Variants in PLEKHF2 observed in about 807,000 individuals in gnomAD.
PLEKHF2 encodes the protein pleckstrin homology domain-containing family F member 2.
Under a neutral mutation model 14.7 loss-of-function variants are expected in PLEKHF2, and 4 were observed. The ratio of observed to expected loss-of-function variants is 0.27; its 90% CI spans 0.13 to 0.62. The LOEUF is 0.62. PLEKHF2 is among the 20% of genes least tolerant of loss of function. The pLI, the probability that PLEKHF2 is intolerant of heterozygous loss-of-function variation, is 0.85. For synonymous variants in PLEKHF2, 90 were observed against 103.5 expected (o/e 0.87, Z 0.79); for missense variants, 201 against 307.7 (o/e 0.65, Z 2.60).
intron 1 of PLEKHF2, among the ~76,000 whole-genome samples, chr8:95,148,232 T>C (rs1383735792): frequency 6.6e-6 from 1 of 152,038 alleles, no homozygotes; most frequent in Admixed American, 6.5e-5. Context: ...ATTCTCACTT[T>C]TGTAAATTCG....
intron 1 of PLEKHF2, among the ~76,000 whole-genome samples, chr8:95,136,314 G>A (rs2132103561): frequency 6.8e-6 from 1 of 146,580 alleles, no homozygotes; most frequent in South Asian, 2.2e-4. Flanking sequence ...TAAATCCACA[G>A]ATTGGTTTTT....
chr8:95,136,991 T>C (rs1311838522), intron 1 of PLEKHF2, among the ~76,000 whole-genome samples: 1 of 152,206 alleles, frequency 6.6e-6, no homozygotes, highest in Non-Finnish European at 1.5e-5. Flanking sequence ...ACTAATGTGC[T>C]CAATTTAGGG....
chr8:95,134,801 A>G lies in PLEKHF2; in HGVS notation c.-15+771A>G, dbSNP rs150631301. Among the ~76,000 whole-genome samples the G allele has an allele frequency of 7.2e-5, 11 of 152,304 alleles. No individual in the cohort carries two copies. In the East Asian group the frequency reaches 2.1e-3, roughly 29 times the overall value. On this transcript the variant is annotated intron_variant, in intron 1 of 1. Coordinates refer to ENST00000315367, the MANE Select transcript of PLEKHF2 (RefSeq NM_024613.4). ...CCTCCTCGGTAATTCATAGACTCACAAAACGCGTTGTTGATAAATGCCTTC... is the reference window on the plus strand; with the variant it reads ...CCTCCTCGGTAATTCATAGACTCACGAAACGCGTTGTTGATAAATGCCTTC...
chr8:95,145,580 C>T (rs1041447945), intron 1 of PLEKHF2, among the ~76,000 whole-genome samples: 8 of 152,038 alleles, frequency 5.3e-5, no homozygotes, highest in East Asian at 1.9e-4. Context: ...CCCACCACCA[C>T]GCCTGGCTAA....
intron 1 of PLEKHF2, among the ~76,000 whole-genome samples, chr8:95,142,261 A>T (rs1810447783): frequency 6.6e-6 from 1 of 151,994 alleles, no homozygotes; most frequent in African/African-American, 2.4e-5. Context: ...TTAATTAATT[A>T]ATTTTTTTCT....
chr8:95,154,038 G>A lies in PLEKHF2; in HGVS notation c.-7G>A. ...TTTTCTTTTTTTTAAAAGGCTATTA[G>A]TGAAAGATGGTGGATCGCTTGGCAA... On this transcript the variant is annotated 5_prime_UTR_variant, in exon 2 of 2. In the 5' UTR this introduces an upstream ATG that the reference lacks. Coordinates refer to ENST00000315367, the MANE Select transcript of PLEKHF2 (RefSeq NM_024613.4). This position sits in a 1 kb window ranked among gnomAD's most constrained non-coding sequence, Gnocchi z 5.6. 1 of 1,548,400 alleles carries A rather than the reference G, an allele frequency of 6.5e-7. No homozygotes were observed. Among genetic ancestry groups the A allele is most frequent in the Non-Finnish European group, 8.7e-7 (1 of 1,148,556 alleles).
At chr8:95,148,848 TTGTA>T (rs2132109616) in intron 1 of PLEKHF2, among the ~76,000 whole-genome samples, 1 of 152,264 alleles carries the variant, frequency 6.6e-6, no homozygotes, top group South Asian at 2.1e-4. Flanking sequence ...AATGTAGAGT[TTGTA>T]TCATAAAGCA....
intron 1 of PLEKHF2, among the ~76,000 whole-genome samples, chr8:95,147,378 T>C (rs1810509636): frequency 6.6e-6 from 1 of 151,994 alleles, no homozygotes; most frequent in Admixed American, 6.5e-5. Context: ...GTTCTTAATT[T>C]TGGGTTTTGG....
intron 1 of PLEKHF2, among the ~76,000 whole-genome samples, chr8:95,147,477 CTTAT>C (rs1239193105): frequency 4.6e-5 from 7 of 151,934 alleles, no homozygotes; most frequent in Admixed American, 3.9e-4. Flanking sequence ...ACAAAATTTA[CTTAT>C]TTTAAAAAGC....
rs1053932289 is a variant in PLEKHF2 at position 95,155,920 on chromosome 8, A to C, written c.*1126A>C. On this transcript the variant is annotated 3_prime_UTR_variant, in exon 2 of 2. Transcript: ENST00000315367. ...GTGTTATATTTTATAAAGTTTTGTA[A>C]AATCCCAAACAATATTTCTATTTTT... 5.4e-5 allele frequency: 9 copies of C among 167,064 alleles called. No individual in the cohort carries two copies. Among genetic ancestry groups the C allele is most frequent in the African/African-American group, 1.9e-4 (8 of 41,466 alleles). The allele number at this position is 167,064 out of a possible 1,614,324, so 10.3% of individuals were successfully genotyped here. A position where few individuals can be genotyped will look rare whatever the true frequency, so the allele number is the denominator to read the frequency against.
intron 1 of PLEKHF2, among the ~76,000 whole-genome samples, chr8:95,146,419 A>G (rs539066677): frequency 6.6e-6 from 1 of 152,190 alleles, no homozygotes; most frequent in Non-Finnish European, 1.5e-5. Context: ...TGTAAGGATG[A>G]GATAAGAAGT....
intron 1 of PLEKHF2, among the ~76,000 whole-genome samples, chr8:95,145,414 G>A (rs1281831308): frequency 2.0e-5 from 3 of 151,684 alleles, no homozygotes; most frequent in Non-Finnish European, 4.4e-5. Context: ...AATTCCAAAC[G>A]CAATTTACTA....
At chr8:95,139,132 TA>T (rs1344142805) in intron 1 of PLEKHF2, among the ~76,000 whole-genome samples, 1 of 152,254 alleles carries the variant, frequency 6.6e-6, no homozygotes, top group African/African-American at 2.4e-5. Flanking sequence ...TTCATTTTTT[TA>T]AAATTGACAT....
chr8:95,140,884 G>A (rs1200419557), intron 1 of PLEKHF2, among the ~76,000 whole-genome samples: 2 of 152,052 alleles, frequency 1.3e-5, no homozygotes, highest in African/African-American at 4.8e-5. Flanking sequence ...TAAGTTAATT[G>A]TATACCTCAG....
Position 95,154,721 on chromosome 8 carries a change from C to CT in PLEKHF2, c.679dup (p.Tyr227LeufsTer11). ...ACATGCCAGCCTGCTAGATCAGACTCTTACAGCCAGTCATTGAAGTCTCCT... is the reference window on the plus strand; with the variant it reads ...ACATGCCAGCCTGCTAGATCAGACTCTTTACAGCCAGTCATTGAAGTCTCCT... On this transcript the variant is annotated frameshift_variant, in exon 2 of 2. Transcript: ENST00000315367. LOFTEE classifies it high-confidence loss of function. The surrounding 1 kb of genome is among the most constrained non-coding windows in gnomAD (Gnocchi z 5.6). 6.2e-7 allele frequency: 1 copy of CT among 1,614,128 alleles called. No homozygotes were observed. Among genetic ancestry groups the CT allele is most frequent in the Non-Finnish European group, 8.5e-7 (1 of 1,179,992 alleles).
At chr8:95,136,500 A>G (rs942248112) in intron 1 of PLEKHF2, among the ~76,000 whole-genome samples, 2 of 152,324 alleles carry the variant, frequency 1.3e-5, no homozygotes, top group Non-Finnish European at 1.5e-5. Context: ...TTACTGATGT[A>G]TGAGAGAGAA....
chr8:95,136,216 T>G (rs1810374307), intron 1 of PLEKHF2, among the ~76,000 whole-genome samples: 1 of 152,206 alleles, frequency 6.6e-6, no homozygotes, highest in Non-Finnish European at 1.5e-5. Flanking sequence ...ATATGCTTCA[T>G]GAATTTCTTT....
chr8:95,147,728 A>G (rs1193687181), intron 1 of PLEKHF2, among the ~76,000 whole-genome samples: 2 of 152,062 alleles, frequency 1.3e-5, no homozygotes, highest in Non-Finnish European at 2.9e-5. Flanking sequence ...GGTGAAATAT[A>G]GCATCACTAC....
intron 1 of PLEKHF2, among the ~76,000 whole-genome samples, chr8:95,146,302 T>C (rs1563883122): frequency 1.3e-5 from 2 of 152,188 alleles, no homozygotes; most frequent in Non-Finnish European, 2.9e-5. Context: ...TCATAGTTCA[T>C]TGGTTTTTCA....
Sources: gnomAD v4.1 joint callset for allele counts (sites outside exome capture counted in the v4.1 genomes callset) on GRCh38, gnomAD v4.1.1 for gene constraint, Gnocchi (gnomAD v3.1) non-coding constraint, MANE v1.5 for transcripts, NCBI Gene and HGNC (gene_info 2026-07-23, HGNC 2026-07-21) for gene names.